SYNRG: variants seen among roughly 807,000 people sequenced by gnomAD.
SYNRG encodes the protein synergin gamma.
A neutral mutation model predicts 130.9 loss-of-function variants in SYNRG; 37 were observed. The ratio of observed to expected loss-of-function variants is 0.28; its 90% confidence interval spans 0.22 to 0.37. The LOEUF (loss-of-function observed/expected upper bound fraction) is 0.37, where lower values mean the gene tolerates loss of function less well. SYNRG is among the 10% of genes least tolerant of loss of function. The pLI is 1.00. For missense variants in SYNRG, 1,338 were observed against 1,588.9 expected, an observed-to-expected ratio of 0.84 and a Z score of 2.68; for synonymous variants, 539 against 568.1, an observed-to-expected ratio of 0.95 and a Z score of 0.73.
intron 1 of SYNRG, chr17:37,600,691 G>A: frequency 1.9e-6 from 1 of 523,026 alleles, no homozygotes; most frequent in Admixed American, 3.4e-5. Flanking sequence ...TATAAAATGA[G>A]AGAGTTTAGA....
chr17:37,570,602 T>G (rs775958069), intron 10 of SYNRG, 35 bp downstream of exon 10: 1 of 1,581,934 alleles, frequency 6.3e-7, no homozygotes, highest in Admixed American at 1.8e-5. Context: ...TCACTTTCAG[T>G]GATTATCTGA....
In SYNRG at chr17:37,553,735, G is replaced by A. The variant is rs1292724714; in HGVS notation, c.1988C>T (p.Thr663Ile). Reference sequence around the variant, plus strand: ...TCCAAAATCATCAGCCAAACTAGAAGTTTTTGTTGCTGCCAATGCTGTCAT... The same window carrying A: ...TCCAAAATCATCAGCCAAACTAGAAATTTTTGTTGCTGCCAATGCTGTCAT... ...ATMTALAATK[T>I]SSLADDFGEF... Residue 663 changes from threonine to isoleucine, a missense_variant, in exon 14 of 22, where the codon ACT (threonine) becomes ATT (isoleucine). Thr to Ile is a moderately conservative substitution (Grantham distance 89, BLOSUM62 -1). This residue lies in a region of SYNRG where 1,146 missense variants were observed against 1,342.3 expected (regional missense o/e 0.85). Transcript: ENST00000612223. The A allele has an allele frequency of 6.2e-7, 1 of 1,613,236 alleles. No homozygotes were observed. The highest frequency in any genetic ancestry group is 8.5e-7 in the Non-Finnish European group (1 of 1,179,850).
chr17:37,540,122 A>G (rs2057605625), intron 16 of SYNRG, among the ~76,000 whole-genome samples: 1 of 152,214 alleles, frequency 6.6e-6, no homozygotes, highest in South Asian at 2.1e-4. Context: ...TTATACAAAC[A>G]CTGCCATCCT....
chr17:37,562,939 C>T (rs747685986), intron 11 of SYNRG, among the ~76,000 whole-genome samples: 3 of 151,972 alleles, frequency 2.0e-5, no homozygotes, highest in Non-Finnish European at 2.9e-5. Context: ...AATCTTTCTA[C>T]TAAATGTTAC....
intron 14 of SYNRG, among the ~76,000 whole-genome samples, chr17:37,543,608 T>C (rs1235785884): frequency 6.6e-6 from 1 of 152,190 alleles, no homozygotes; most frequent in Non-Finnish European, 1.5e-5. Context: ...ACCATGATCA[T>C]GTGTGTAAAA....
At chr17:37,574,681 G>A (rs975234967) in intron 8 of SYNRG, among the ~76,000 whole-genome samples, 3 of 152,112 alleles carry the variant, frequency 2.0e-5, no homozygotes, top group Non-Finnish European at 2.9e-5. Flanking sequence ...TCAGAGCAAT[G>A]TCAATCAAAA....
intron 6 of SYNRG, among the ~76,000 whole-genome samples, chr17:37,580,014 A>G (rs1042598935): frequency 2.0e-5 from 3 of 152,220 alleles, no homozygotes; most frequent in Non-Finnish European, 4.4e-5. Context: ...GATTTACATC[A>G]AAGTGATGAT....
intron 14 of SYNRG, among the ~76,000 whole-genome samples, chr17:37,551,315 G>T (rs1271648786): frequency 1.3e-5 from 2 of 152,214 alleles, no homozygotes; most frequent in Non-Finnish European, 2.9e-5. Context: ...GCATTGGTCA[G>T]ACATCAACCC....
chr17:37,533,948 T>G (rs1377499057), intron 19 of SYNRG, among the ~76,000 whole-genome samples: 3 of 137,440 alleles, frequency 2.2e-5, no homozygotes, highest in Non-Finnish European at 4.7e-5. Flanking sequence ...TTTTTTTTTT[T>G]TTTTGAGACA....
intron 19 of SYNRG, among the ~76,000 whole-genome samples, chr17:37,522,871 C>T (rs2055311712): frequency 6.6e-6 from 1 of 151,812 alleles, no homozygotes; most frequent in South Asian, 2.1e-4. Flanking sequence ...GAACTCCTGA[C>T]CTCGTGATCT....
chr17:37,572,884 G>A (rs1189245800), intron 8 of SYNRG, among the ~76,000 whole-genome samples: 1 of 152,132 alleles, frequency 6.6e-6, no homozygotes, highest in African/African-American at 2.4e-5. Flanking sequence ...CTAAAATAAA[G>A]AATGCCAATA....
At chr17:37,588,432 T>A (rs984059612) in intron 3 of SYNRG, among the ~76,000 whole-genome samples, 1 of 152,002 alleles carries the variant, frequency 6.6e-6, no homozygotes, top group African/African-American at 2.4e-5. Context: ...CCAACTAATT[T>A]TTGTATTTTC....
intron 6 of SYNRG, among the ~76,000 whole-genome samples, chr17:37,579,819 T>TTCAGCC (rs2061146651): frequency 6.6e-6 from 1 of 152,156 alleles, no homozygotes; most frequent in South Asian, 2.1e-4. Flanking sequence ...CAAGCAATCC[T>TTCAGCC]TCAGCCTCAG....
intron 13 of SYNRG, among the ~76,000 whole-genome samples, chr17:37,554,514 T>G (rs2058956014): frequency 6.6e-6 from 1 of 152,166 alleles, no homozygotes; most frequent in Non-Finnish European, 1.5e-5. Flanking sequence ...CAATAAAGTA[T>G]TATGAAAAAT....
chr17:37,598,629 G>A (rs12601864), intron 2 of SYNRG, among the ~76,000 whole-genome samples: 27,590 of 151,892 alleles, frequency 0.18, 2,680 homozygotes, highest in Admixed American at 0.29. Context: ...CCTTGCTGTC[G>A]GTTTCTTACA....
At position 37,560,138 on chromosome 17, in the gene SYNRG, T is replaced by G. The variant is rs1408574221; in HGVS notation, c.1663+1057A>C. Reference sequence around the variant, plus strand: ...GTTGCCCAGGCTGGTCTCAAACTCCTGGGCTCAAGCCATCCTCCCACTCTG... The same window carrying G: ...GTTGCCCAGGCTGGTCTCAAACTCCGGGGCTCAAGCCATCCTCCCACTCTG... On this transcript the variant is annotated intron_variant, in intron 13 of 21. Coordinates refer to ENST00000612223, the MANE Select transcript of SYNRG (RefSeq NM_007247.6). 2.6e-5 allele frequency among the ~76,000 whole-genome samples: 4 copies of G among 152,048 alleles called. No homozygotes were observed. The East Asian group carries it at 5.8e-4, about 22-fold the overall frequency.
chr17:37,593,778 G>A (rs2062423422), intron 3 of SYNRG, among the ~76,000 whole-genome samples: 1 of 151,812 alleles, frequency 6.6e-6, no homozygotes, highest in South Asian at 2.1e-4. Flanking sequence ...CAGCTACTTG[G>A]GAGGCTGAGG....
intron 15 of SYNRG, chr17:37,541,103 TAA>T: frequency 4.1e-6 from 4 of 985,644 alleles, no homozygotes; most frequent in Non-Finnish European, 4.8e-6. Context: ...AAGTCTTCCA[TAA>T]TGCCCAGTGC....
At chr17:37,548,972 T>C (rs1192666224) in intron 14 of SYNRG, among the ~76,000 whole-genome samples, 1 of 151,438 alleles carries the variant, frequency 6.6e-6, no homozygotes, top group Non-Finnish European at 1.5e-5. Context: ...CCCATCTCTA[T>C]TAAAAATACA....
Sources: allele counts gnomAD v4.1 joint callset (sites outside exome capture counted in the v4.1 genomes callset), GRCh38; gene constraint gnomAD v4.1.1; regional missense constraint gnomAD v4.1.1; transcripts MANE v1.5; gene names NCBI Gene and HGNC (gene_info 2026-07-23, HGNC 2026-07-21).